Variants in FAM135B observed in about 807,000 individuals in gnomAD.
FAM135B encodes family with sequence similarity 135 member B.
A neutral mutation model predicts 127.7 loss-of-function variants in FAM135B; 43 were observed. That is an observed-to-expected ratio of 0.34 (90% CI 0.26 to 0.43). FAM135B has a LOEUF of 0.43. FAM135B is among the 20% of genes least tolerant of loss of function. The probability of loss-of-function intolerance (pLI) is 1.00; values close to 1 mark genes in which losing one functional copy is unlikely to be tolerated. For missense variants in FAM135B, 1,558 were observed against 1,725.6 expected, an observed-to-expected ratio of 0.90 and a Z score of 1.72; for synonymous variants, 670 against 665.1, an observed-to-expected ratio of 1.01 and a Z score of -0.11.
chr8:138,444,854 G>A (rs1466435539), intron 1 of FAM135B, among the ~76,000 whole-genome samples: 2 of 152,062 alleles, frequency 1.3e-5, no homozygotes, highest in Admixed American at 6.6e-5. Context: ...AAAAATCAAC[G>A]AATCCAGGAG....
rs1321546138 is a variant in FAM135B at position 138,340,245 on chromosome 8, C to T, written c.77+27662G>A. Among the ~76,000 whole-genome samples the T allele has an allele frequency of 2.0e-5, 3 of 152,106 alleles. No individual in the cohort carries two copies. In the East Asian group the frequency reaches 5.8e-4, roughly 29 times the overall value. ...CACTGTCACTGCTAGAGAGAGCCTT[C>T]TAAAATAATAATGCCACACCAGAAC... is the stretch of plus-strand genomic sequence containing the variant. On this transcript the variant is annotated intron_variant, in intron 2 of 19. Transcript: ENST00000395297.
At chr8:138,373,812 G>A (rs185615913) in intron 1 of FAM135B, among the ~76,000 whole-genome samples, 249 of 152,052 alleles carry the variant, frequency 1.6e-3, no homozygotes, top group African/African-American at 3.9e-3. Context: ...CTCCCGTAGC[G>A]CTCCCAGGCT....
rs868164907 is a variant in FAM135B at position 138,227,719 on chromosome 8, T to G, written c.669+15223A>C. Among the ~76,000 whole-genome samples, 317 of 137,410 alleles carry G rather than the reference T, an allele frequency of 2.3e-3. 2 individuals carry two copies. Among genetic ancestry groups the G allele is most frequent in the African/African-American group, 8.8e-3 (284 of 32,364 alleles). The allele number at this position is 137,410 out of a possible 152,430, so 90.1% of individuals were successfully genotyped here. ...TGTGTTTTAATTTTGTCTCTCTTTT[T>G]TTTTTTTTTTTTTTTTTTTGGTGGT... On this transcript the variant is annotated intron_variant, in intron 7 of 19. Coordinates refer to ENST00000395297, the MANE Select transcript of FAM135B (RefSeq NM_015912.4).
intron 1 of FAM135B, among the ~76,000 whole-genome samples, chr8:138,496,218 G>A (rs548073683): frequency 6.6e-6 from 1 of 152,022 alleles, no homozygotes; most frequent in South Asian, 2.1e-4. Flanking sequence ...CAGTGTCCCC[G>A]CACACCCCTG....
chr8:138,436,413 C>T (rs565296822), intron 1 of FAM135B, among the ~76,000 whole-genome samples: 1 of 152,128 alleles, frequency 6.6e-6, no homozygotes, highest in East Asian at 1.9e-4. Flanking sequence ...AAAGGTGGCT[C>T]ACTCTACAGA....
At chr8:138,178,883 C>T (rs546072902) in intron 9 of FAM135B, among the ~76,000 whole-genome samples, 193 bp from the exon 10 acceptor site, 4 of 152,244 alleles carry the variant, frequency 2.6e-5, no homozygotes, top group Admixed American at 6.5e-5. Context: ...GAAGCTAAGA[C>T]AGCAATGGCA....
chr8:138,430,009 T>C (rs1359381275), intron 1 of FAM135B, among the ~76,000 whole-genome samples: 1 of 152,160 alleles, frequency 6.6e-6, no homozygotes, highest in Non-Finnish European at 1.5e-5. Flanking sequence ...TATGCCGAGT[T>C]TCTTTAATAG....
chr8:138,174,014 G>A (rs1331408753), intron 11 of FAM135B, among the ~76,000 whole-genome samples: 3 of 152,098 alleles, frequency 2.0e-5, no homozygotes, highest in African/African-American at 7.2e-5. Flanking sequence ...CATTTCCATG[G>A]CAACCCAGTG....
At chr8:138,347,407 A>G (rs1187519997) in intron 2 of FAM135B, among the ~76,000 whole-genome samples, 1 of 152,146 alleles carries the variant, frequency 6.6e-6, no homozygotes, top group Admixed American at 6.5e-5. Context: ...GAAGTCTGGG[A>G]TCCTTAACCC....
chr8:138,155,122 G>A (rs1586625477), intron 12 of FAM135B, among the ~76,000 whole-genome samples: 1 of 152,222 alleles, frequency 6.6e-6, no homozygotes, highest in African/African-American at 2.4e-5. Flanking sequence ...CAAGCCAGAA[G>A]AGAGTGGGGA....
intron 6 of FAM135B, among the ~76,000 whole-genome samples, chr8:138,249,103 C>A (rs1321303621): frequency 6.6e-6 from 1 of 152,142 alleles, no homozygotes; most frequent in East Asian, 1.9e-4. Context: ...AGACAGCCTG[C>A]TAATCCCAGG....
At chr8:138,384,269 G>A (rs1230917251) in intron 1 of FAM135B, among the ~76,000 whole-genome samples, 2 of 152,238 alleles carry the variant, frequency 1.3e-5, no homozygotes, top group African/African-American at 2.4e-5. Flanking sequence ...AGGGTGTTAT[G>A]CACCTAACAT....
intron 3 of FAM135B, among the ~76,000 whole-genome samples, chr8:138,277,156 G>C (rs547187709): frequency 2.3e-4 from 35 of 152,288 alleles, no homozygotes; most frequent in African/African-American, 7.9e-4. Context: ...CTAGACTCCA[G>C]TGGCAGCTCA....
chr8:138,437,455 C>T (rs536699128), intron 1 of FAM135B: 1 of 152,270 alleles, frequency 6.6e-6, no homozygotes, highest in East Asian at 1.9e-4. Context: ...CCCCTTCACT[C>T]GATACCTCTC....
At chr8:138,331,801 T>C (rs1828200655) in intron 2 of FAM135B, among the ~76,000 whole-genome samples, 1 of 152,166 alleles carries the variant, frequency 6.6e-6, no homozygotes, top group African/African-American at 2.4e-5. Flanking sequence ...TACATTTATC[T>C]AGGATTTGGA....
At chr8:138,220,061 T>TCACACACACACACACACACACACACA (rs3221962) in intron 7 of FAM135B, among the ~76,000 whole-genome samples, 2 of 146,412 alleles carry the variant, frequency 1.4e-5, no homozygotes, top group South Asian at 4.5e-4. Flanking sequence ...TTGCCTAAAA[T>TCACACACACACACACACACACACACA]CACACACACA....
At chr8:138,261,756 T>G (rs1032000018) in intron 4 of FAM135B, among the ~76,000 whole-genome samples, 1 of 39,572 alleles carries the variant, frequency 2.5e-5, no homozygotes, top group African/African-American at 1.1e-4. Flanking sequence ...TGTGACCTCA[T>G]TGCACAACTG....
intron 7 of FAM135B, among the ~76,000 whole-genome samples, chr8:138,223,665 G>A (rs1183049019): frequency 1.3e-5 from 2 of 152,180 alleles, no homozygotes; most frequent in Non-Finnish European, 2.9e-5. Flanking sequence ...AGTTCATTGA[G>A]TATTAAACAA....
At chr8:138,288,020 G>A (rs898876809) in intron 3 of FAM135B, among the ~76,000 whole-genome samples, 3 of 152,170 alleles carry the variant, frequency 2.0e-5, no homozygotes, top group African/African-American at 7.2e-5. Context: ...AATGAAGGAA[G>A]TAATGAAATT....
Sources: gnomAD v4.1 joint callset for allele counts (sites outside exome capture counted in the v4.1 genomes callset) on GRCh38, gnomAD v4.1.1 for gene constraint, MANE v1.5 for transcripts, NCBI Gene and HGNC (gene_info 2026-07-23, HGNC 2026-07-21) for gene names.